The following FARSA variants were observed in gnomAD, a reference collection of about 807,000 sequenced individuals.
FARSA encodes phenylalanine--tRNA ligase alpha subunit.
Under a neutral mutation model 63.2 loss-of-function variants are expected in FARSA, and 37 were observed. That is an observed-to-expected ratio of 0.59 (90% CI 0.45 to 0.77). The LOEUF (loss-of-function observed/expected upper bound fraction) is 0.77, where lower values mean the gene tolerates loss of function less well. Ranked by LOEUF, FARSA falls within the 30% of genes least tolerant of loss-of-function variation. The pLI, the probability that FARSA is intolerant of heterozygous loss-of-function variation, is 0.00. For missense variants in FARSA, 618 were observed against 696.6 expected, an observed-to-expected ratio of 0.89 and a Z score of 1.27; for synonymous variants, 312 against 285.1, an observed-to-expected ratio of 1.09 and a Z score of -0.95.
chr19:12,932,761 G>A (rs1330663362), intron 1 of FARSA, among the ~76,000 whole-genome samples: 1 of 152,056 alleles, frequency 6.6e-6, no homozygotes, highest in Admixed American at 6.6e-5. Context: ...AGCATCCTAC[G>A]CCTGTGACTC....
At chr19:12,929,331 A>G (rs1199311311) in intron 4 of FARSA, among the ~76,000 whole-genome samples, 1 of 151,980 alleles carries the variant, frequency 6.6e-6, no homozygotes, top group East Asian at 1.9e-4. Flanking sequence ...CTCAGCCTCC[A>G]GAGTAGCTGG....
chr19:12,926,683 G>C (rs939910481), intron 7 of FARSA, among the ~76,000 whole-genome samples: 1 of 152,066 alleles, frequency 6.6e-6, no homozygotes, highest in Non-Finnish European at 1.5e-5. Context: ...TCAGCCTCCC[G>C]AGTAGCTGCA....
Position 12,924,034 on chromosome 19 carries a change from G to A in FARSA, c.1388+117C>T, listed in dbSNP as rs965228126. 71 of 770,396 alleles carry A rather than the reference G, an allele frequency of 9.2e-5. 1 individual carries two copies. The Admixed American group carries it at 1.3e-3, about 14-fold the overall frequency. 47.7% of individuals were successfully genotyped at this position (770,396 alleles called of 1,614,324 possible). ...GGCTGAGCATTCAGTTTGTACTCACGATGAAAGTTTTGTCCATTGGATGAA... is the reference window on the plus strand; with the variant it reads ...GGCTGAGCATTCAGTTTGTACTCACAATGAAAGTTTTGTCCATTGGATGAA... On this transcript the variant is annotated intron_variant, in intron 12 of 12. Coordinates refer to ENST00000314606, the MANE Select transcript of FARSA (RefSeq NM_004461.3). This position sits in a 1 kb window ranked among gnomAD's most constrained non-coding sequence, Gnocchi z 6.4.
intron 1 of FARSA, 109 bp from the exon 2 acceptor site, chr19:12,930,858 G>T: frequency 7.7e-7 from 1 of 1,298,162 alleles, no homozygotes; most frequent in Non-Finnish European, 1.1e-6. Flanking sequence ...TTAAAGCTAG[G>T]TTCACATCCC....
At chr19:12,931,717 A>G (rs1971398388) in intron 1 of FARSA, among the ~76,000 whole-genome samples, 2 of 152,088 alleles carry the variant, frequency 1.3e-5, no homozygotes, top group South Asian at 4.1e-4. Flanking sequence ...AAATGTTCAC[A>G]TGTCAGTGCC....
In FARSA at chr19:12,924,229, AC is replaced by A; in HGVS notation, c.1309del (p.Val437SerfsTer30). The A allele has an allele frequency of 3.1e-6, 5 of 1,613,726 alleles. No homozygotes were observed. The highest frequency in any genetic ancestry group is 4.2e-6 in the Non-Finnish European group (5 of 1,179,968). On this transcript the variant is annotated frameshift_variant, in exon 12 of 13. Coordinates refer to ENST00000314606, the MANE Select transcript of FARSA (RefSeq NM_004461.3). LOFTEE classifies it high-confidence loss of function. The surrounding 1 kb of genome is among the most constrained non-coding windows in gnomAD (Gnocchi z 6.4). ...KKWVEVGNSG[V>X]FRPEMLLPMG... Reference sequence around the variant, plus strand: ...GGGCAGCAGCATCTCTGGACGGAAGACCCCCGAGTTTCCGACCTCCACCCAC... The same window carrying A: ...GGGCAGCAGCATCTCTGGACGGAAGACCCCGAGTTTCCGACCTCCACCCAC...
Position 12,930,508 on chromosome 19 carries a change from A to G in FARSA, c.305T>C (p.Val102Ala). 6.2e-7 allele frequency: 1 copy of G among 1,614,050 alleles called. No homozygotes were observed. ...SELMRLPSGK[V>A]GFSKAMSNKW... is the part of the protein sequence containing the mutation. Reference sequence around the variant, plus strand: ...GTTGGACATGGCCTTGCTGAAGCCCACTTTGCCACTGGGCAGTCGCTGGAA... The same window carrying G: ...GTTGGACATGGCCTTGCTGAAGCCCGCTTTGCCACTGGGCAGTCGCTGGAA... Residue 102 changes from valine to alanine, a missense_variant, in exon 3 of 13, where the codon GTG (valine) becomes GCG (alanine). Val to Ala is a moderately conservative substitution (Grantham distance 64). Coordinates refer to ENST00000314606, the MANE Select transcript of FARSA (RefSeq NM_004461.3).
Position 12,925,137 on chromosome 19 carries a change from G to T in FARSA, c.879C>A (p.Val293=). The T allele has an allele frequency of 6.2e-7, 1 of 1,605,926 alleles. No homozygotes were observed. Among genetic ancestry groups the T allele is most frequent in the Admixed American group, 1.7e-5 (1 of 58,922 alleles). Residue 293 remains valine, a synonymous_variant, in exon 8 of 13, where the codon GTC becomes GTA. Transcript: ENST00000314606. ...GAGAGTGGGTCCGCTTGACCCGCTG[G>T]ACATAGTCCATTGGGAGCTGCAGGG... is the stretch of plus-strand genomic sequence containing the variant. ...AEALQLPMDY[V]QRVKRTHSQG...
Position 12,928,554 on chromosome 19 carries a change from G to A in FARSA, c.706C>T (p.Gln236Ter). The A allele has an allele frequency of 6.2e-7, 1 of 1,614,108 alleles. No homozygotes were observed. The highest frequency in any genetic ancestry group is 8.5e-7 in the Non-Finnish European group (1 of 1,179,988). Residue 236 changes from glutamine to a stop codon, truncating the protein, a stop_gained, in exon 6 of 13, where the codon CAG becomes TAG. Transcript: ENST00000314606. LOFTEE classifies it high-confidence loss of function. ...PLLKVRSQFR[Q>*]IFLEMGFTEM... ...GCTCACCCCATCTCCAGGAAGATCT[G>A]TCGGAACTGGGAGCGGACCTTGAGC...
rs1324274433 is a variant in FARSA, at chr19:12,933,579, C to T, written c.118G>A (p.Ala40Thr). Residue 40 changes from alanine (A) to threonine (T), a missense_variant, in exon 1 of 13, where the codon GCC becomes ACC. By Grantham distance (58) the Ala-to-Thr change is moderately conservative. Transcript: ENST00000314606. ...CCCAGCGCCTGAAGGCTCTTCACGG[C>T]GCCCACCACCGCCTGGTGCTCCATG... ...LGMEHQAVVG[A>T]VKSLQALGEV... 2 of 1,547,928 alleles carry T rather than the reference C, an allele frequency of 1.3e-6. No individual in the cohort carries two copies. Among genetic ancestry groups the T allele is most frequent in the African/African-American group, 1.4e-5 (1 of 73,400 alleles).
intron 7 of FARSA, among the ~76,000 whole-genome samples, chr19:12,926,782 C>T (rs1288141038): frequency 1.3e-5 from 2 of 152,226 alleles, no homozygotes; most frequent in Non-Finnish European, 2.9e-5. Context: ...AACTCCTGGG[C>T]TCAAGCGATC....
chr19:12,932,422 C>A (rs1971407578), intron 1 of FARSA, among the ~76,000 whole-genome samples: 1 of 152,076 alleles, frequency 6.6e-6, no homozygotes, highest in Non-Finnish European at 1.5e-5. Flanking sequence ...GTGACGTATA[C>A]AAATGTCAGA....
At position 12,928,323 on chromosome 19, in the gene FARSA, G is replaced by A; in HGVS notation, c.841+19C>T. On this transcript the variant is annotated intron_variant, in intron 7 of 12. Transcript: ENST00000314606. ...CTGGTGTCTCTCATGTCTCAGGGAG[G>A]CCCTAGGGGCTGACCCACCTCGAAG... 2 of 1,600,882 alleles carry A rather than the reference G, an allele frequency of 1.2e-6. No individual in the cohort carries two copies. Among genetic ancestry groups the A allele is most frequent in the Non-Finnish European group, 1.7e-6 (2 of 1,169,114 alleles).
chr19:12,927,930 G>T (rs1252463279), intron 7 of FARSA, among the ~76,000 whole-genome samples: 1 of 143,568 alleles, frequency 7.0e-6, no homozygotes, highest in African/African-American at 2.6e-5. Context: ...GCTGAGGCAG[G>T]AGAATCGCTT....
chr19:12,930,642 G>A lies in FARSA; in HGVS notation c.255C>T (p.Pro85=), dbSNP rs757712078. ...SHEARVFRSI[P]PEGLAQSELM... Reference sequence around the variant, plus strand: ...GCTCGCTCTGGGCCAGGCCCTCTGGGGGAATGCTTCGAAACACACGGGCCT... The same window carrying A: ...GCTCGCTCTGGGCCAGGCCCTCTGGAGGAATGCTTCGAAACACACGGGCCT... Residue 85 remains proline (P), a synonymous_variant, in exon 2 of 13, where the codon CCC becomes CCT. Transcript: ENST00000314606. 3 of 1,613,246 alleles carry A rather than the reference G, an allele frequency of 1.9e-6. No homozygotes were observed. Among genetic ancestry groups the A allele is most frequent in the Admixed American group, 1.7e-5 (1 of 59,984 alleles).
Position 12,928,827 on chromosome 19 carries a change from A to G in FARSA, c.524T>C (p.Val175Ala). 1.2e-6 allele frequency: 2 copies of G among 1,614,044 alleles called. No homozygotes were observed. Among genetic ancestry groups the G allele is most frequent in the Non-Finnish European group, 1.7e-6 (2 of 1,180,012 alleles). ...GGTACTAAAGGCACTGCCTTTGCTC[A>G]CCCAGTAGGTCTTCAGAGTCCTGTG... Reference protein sequence around the residue: ...LAEVTLKTYWVSKGSAFSTSI... With the variant: ...LAEVTLKTYWASKGSAFSTSI... Residue 175 changes from valine to alanine, a missense_variant, in exon 5 of 13, where the codon GTG becomes GCG. By Grantham distance (64) the Val-to-Ala change is moderately conservative. Transcript: ENST00000314606.
intron 7 of FARSA, among the ~76,000 whole-genome samples, chr19:12,928,114 A>G (rs1360652946): frequency 6.6e-6 from 1 of 151,590 alleles, no homozygotes; most frequent in Non-Finnish European, 1.5e-5. Flanking sequence ...AATTTAACTC[A>G]ATTAATTTTT....
chr19:12,922,900 G>C lies in FARSA; in HGVS notation c.1389-14C>G, dbSNP rs1390574514. The stretch of plus-strand genomic sequence containing the variant: ...ATCATCGTTGGGCTTGTGGGGGAGG[G>C]AACAGAGTTTATCATGAGGTCAGCA... On this transcript the variant is annotated splice_polypyrimidine_tract_variant and intron_variant, in intron 12 of 12. Coordinates refer to ENST00000314606, the MANE Select transcript of FARSA (RefSeq NM_004461.3). The C allele has an allele frequency of 3.1e-6, 5 of 1,614,056 alleles. No individual in the cohort carries two copies. Among genetic ancestry groups the C allele is most frequent in the East Asian group, 2.2e-5 (1 of 44,884 alleles).
chr19:12,931,332 C>T (rs1015912419), intron 1 of FARSA, among the ~76,000 whole-genome samples: 1 of 152,038 alleles, frequency 6.6e-6, no homozygotes, highest in African/African-American at 2.4e-5. Context: ...GGTGCGATCT[C>T]GGTTCACTGC....
Sources: gnomAD v4.1 joint callset for allele counts (sites outside exome capture counted in the v4.1 genomes callset) on GRCh38, gnomAD v4.1.1 for gene constraint, Gnocchi (gnomAD v3.1) non-coding constraint, MANE v1.5 for transcripts, NCBI Gene and HGNC (gene_info 2026-07-23, HGNC 2026-07-21) for gene names.